Variants in SLC38A3 observed in about 807,000 individuals in gnomAD.
SLC38A3 encodes solute carrier family 38 member 3, also known as sodium-coupled neutral amino acid transporter 3.
Under a neutral mutation model 59.5 loss-of-function variants are expected in SLC38A3, and 17 were observed. The ratio of observed to expected loss-of-function variants is 0.29; its 90% CI spans 0.20 to 0.43. The LOEUF (loss-of-function observed/expected upper bound fraction) is 0.43. Ranked by LOEUF, SLC38A3 falls within the 20% of genes least tolerant of loss-of-function variation. SLC38A3 has a pLI of 1.00. For missense variants in SLC38A3, 454 were observed against 653.9 expected, an observed-to-expected ratio of 0.69 and a Z score of 3.33; for synonymous variants, 238 against 260.3, an observed-to-expected ratio of 0.91 and a Z score of 0.82.
At position 50,217,660 on chromosome 3, in the gene SLC38A3, T is replaced by A; in HGVS notation, c.691-16T>A. On this transcript the variant is annotated splice_polypyrimidine_tract_variant and intron_variant, in intron 9 of 15. Transcript: ENST00000614032. The surrounding 1 kb of genome is among the most constrained non-coding windows in gnomAD (Gnocchi z 4.9). ...AGCCTGGGAGTCTCTGACACCCTCA[T>A]CCCTCCCCACTCCAGGTCATCTACA... The A allele has an allele frequency of 1.2e-6, 2 of 1,613,096 alleles. No individual in the cohort carries two copies. The highest frequency in any genetic ancestry group is 1.7e-6 in the Non-Finnish European group (2 of 1,179,522).
Position 50,218,916 on chromosome 3 carries a change from C to G in SLC38A3, c.1274C>G (p.Ala425Gly). The stretch of plus-strand genomic sequence containing the variant: ...TGTATCAACCTGCTGGTCATCTTTG[C>G]CCCCAACATCCTGGGCATCTTTGGG... ...LTCINLLVIF[A>G]PNILGIFGVI... Residue 425 changes from alanine to glycine, a missense_variant, in exon 14 of 16, where the codon GCC becomes GGC. This residue lies in a region of SLC38A3 where 390 missense variants were observed against 557.9 expected (regional missense o/e 0.70). Transcript: ENST00000614032. This position sits in a 1 kb window ranked among gnomAD's most constrained non-coding sequence, Gnocchi z 5.8. 6.2e-7 allele frequency: 1 copy of G among 1,612,688 alleles called. No homozygotes were observed. The highest frequency in any genetic ancestry group is 8.5e-7 in the Non-Finnish European group (1 of 1,178,816).
At chr3:50,209,580 C>T (rs1159191042) in intron 1 of SLC38A3, among the ~76,000 whole-genome samples, 2 of 150,568 alleles carry the variant, frequency 1.3e-5, no homozygotes, top group African/African-American at 4.9e-5. Flanking sequence ...ACCCAGGAGG[C>T]GGAGGTTGCA....
In SLC38A3 at chr3:50,218,239, C is replaced by A; in HGVS notation, c.936-31C>A. The A allele has an allele frequency of 7.2e-7, 1 of 1,398,150 alleles. No homozygotes were observed. 86.6% of individuals were successfully genotyped at this position (1,398,150 alleles called of 1,614,324 possible). On this transcript the variant is annotated intron_variant, in intron 11 of 15. Transcript: ENST00000614032. This position sits in a 1 kb window ranked among gnomAD's most constrained non-coding sequence, Gnocchi z 5.8. Reference sequence around the variant, plus strand: ...GGTCTCCCAATGTTACCCAGCTTGTCACCAACACCCACCCCCCCACTTCCC... The same window carrying A: ...GGTCTCCCAATGTTACCCAGCTTGTAACCAACACCCACCCCCCCACTTCCC...
chr3:50,205,535 G>A (rs1267057409), intron 1 of SLC38A3, among the ~76,000 whole-genome samples, 187 bp downstream of exon 1: 1 of 152,284 alleles, frequency 6.6e-6, no homozygotes, highest in Non-Finnish European at 1.5e-5. Context: ...GGACCTGCCA[G>A]TCGGGACTCA....
At position 50,215,779 on chromosome 3, in the gene SLC38A3, C is replaced by A; in HGVS notation, c.506C>A (p.Pro169Gln). The A allele has an allele frequency of 1.3e-6, 2 of 1,597,990 alleles. No individual in the cohort carries two copies. The change falls in exon 7 of 16, where the codon CCA becomes CAA. Residue 169 changes from proline to glutamine, a missense_variant. Transcript: ENST00000614032. This position sits in a 1 kb window ranked among gnomAD's most constrained non-coding sequence, Gnocchi z 7.1. ...CTGTACATCATCAAGTCTGAGCTGCCACTTGTCATACAGACCTTCCTGAAC... is the reference window on the plus strand; with the variant it reads ...CTGTACATCATCAAGTCTGAGCTGCAACTTGTCATACAGACCTTCCTGAAC... ...SYLYIIKSEL[P>Q]LVIQTFLNLE...
intron 7 of SLC38A3, among the ~76,000 whole-genome samples, chr3:50,216,196 G>A (rs1699817276): frequency 6.6e-6 from 1 of 152,216 alleles, no homozygotes; most frequent in African/African-American, 2.4e-5. Context: ...AAGCCCAGGT[G>A]TCCCAGTTGC....
At position 50,217,381 on chromosome 3, in the gene SLC38A3, C is replaced by A. The variant is rs1699833112; in HGVS notation, c.632-34C>A. ...TTGGAGGCATACACCATGGGAGGGG[C>A]CCCAGGTCTCAGAGTGCTCCCTCCA... is the stretch of plus-strand genomic sequence containing the variant. On this transcript the variant is annotated intron_variant, in intron 8 of 15. Transcript: ENST00000614032. This position sits in a 1 kb window ranked among gnomAD's most constrained non-coding sequence, Gnocchi z 4.9. 1 of 1,611,414 alleles carries A rather than the reference C, an allele frequency of 6.2e-7. No homozygotes were observed. Among genetic ancestry groups the A allele is most frequent in the Non-Finnish European group, 8.5e-7 (1 of 1,178,522 alleles).
rs1040437893 is a variant in SLC38A3 at position 50,217,512 on chromosome 3, G to A, written c.690+39G>A. ...CATGTTGGCTGAGAAAGCGGGCAGC[G>A]GGTCTCCTGGGGGAGTTCCCTGTCA... On this transcript the variant is annotated intron_variant, in intron 9 of 15. Transcript: ENST00000614032. This position sits in a 1 kb window ranked among gnomAD's most constrained non-coding sequence, Gnocchi z 4.9. 3 of 1,602,618 alleles carry A rather than the reference G, an allele frequency of 1.9e-6. No individual in the cohort carries two copies. The highest frequency in any genetic ancestry group is 1.3e-5 in the African/African-American group (1 of 74,666).
At position 50,218,462 on chromosome 3, in the gene SLC38A3, G is replaced by A. The variant is rs746104081; in HGVS notation, c.1036+92G>A. The stretch of plus-strand genomic sequence containing the variant: ...TGCCCTCCATACCGAGGCGTGTGGT[G>A]CCTGGCTGTGCCTTGCCGCTGTGGA... On this transcript the variant is annotated intron_variant, in intron 12 of 15. Transcript: ENST00000614032. This position sits in a 1 kb window ranked among gnomAD's most constrained non-coding sequence, Gnocchi z 5.8. The A allele has an allele frequency of 2.7e-5, 42 of 1,537,592 alleles. No individual in the cohort carries two copies. Among genetic ancestry groups the A allele is most frequent in the Non-Finnish European group, 3.2e-5 (36 of 1,114,242 alleles).
In SLC38A3 at chr3:50,220,333, G is replaced by A. The variant is rs1369476359; in HGVS notation, c.*156G>A. ...CATGTCCTCTCTGTGGAAGGTTTTT[G>A]TTCAAGAGCCAGGACCAAGGCCCTT... On this transcript the variant is annotated 3_prime_UTR_variant, in exon 16 of 16. Transcript: ENST00000614032. The A allele has an allele frequency of 1.1e-5, 7 of 652,920 alleles. No individual in the cohort carries two copies. The East Asian group carries it at 1.9e-4, about 18-fold the overall frequency. The allele number at this position is 652,920 out of a possible 1,614,324, so 40.4% of individuals were successfully genotyped here. A position where few individuals can be genotyped will look rare whatever the true frequency, so the allele number is the denominator to read the frequency against.
Position 50,220,078 on chromosome 3 carries a change from G to C in SLC38A3, c.1416G>C (p.Leu472=). 1 of 1,605,892 alleles carries C rather than the reference G, an allele frequency of 6.2e-7. No homozygotes were observed. Among genetic ancestry groups the C allele is most frequent in the Non-Finnish European group, 8.5e-7 (1 of 1,175,680 alleles). ...CCTGACTTCTGATTCCACAGGCCCTGTGTTTTGCTATGCTTGGCTTCTTGC... is the reference window on the plus strand; with the variant it reads ...CCTGACTTCTGATTCCACAGGCCCTCTGTTTTGCTATGCTTGGCTTCTTGC... ...PARSTPKILA[L]CFAMLGFLLM... is the part of the protein sequence containing the mutation. The change falls in exon 16 of 16, where the codon CTG becomes CTC. Residue 472 remains leucine (L), a synonymous_variant. Transcript: ENST00000614032.
Position 50,214,824 on chromosome 3 carries a change from A to T in SLC38A3, c.299+56A>T, listed in dbSNP as rs1216357630. 2 of 1,191,012 alleles carry T rather than the reference A, an allele frequency of 1.7e-6. No individual in the cohort carries two copies. The highest frequency in any genetic ancestry group is 3.0e-5 in the African/African-American group (2 of 66,040). The allele number at this position is 1,191,012 out of a possible 1,614,324, so 73.8% of individuals were successfully genotyped here. A position where few individuals can be genotyped will look rare whatever the true frequency, so the allele number is the denominator to read the frequency against. On this transcript the variant is annotated intron_variant, in intron 4 of 15. Transcript: ENST00000614032. The surrounding 1 kb of genome is among the most constrained non-coding windows in gnomAD (Gnocchi z 6.0). ...AGGGGCCCTAAGCAAGCCACCAATC[A>T]TGACCTCCCAGGACCCGCCAGTTCC...
Position 50,217,947 on chromosome 3 carries a change from G to A in SLC38A3, c.886G>A (p.Ala296Thr), listed in dbSNP as rs772451600. Residue 296 changes from alanine to threonine, a missense_variant, in exon 11 of 16, where the codon GCC becomes ACC. Physicochemically the swap from Ala to Thr is moderately conservative, Grantham distance 58. Transcript: ENST00000614032. This position sits in a 1 kb window ranked among gnomAD's most constrained non-coding sequence, Gnocchi z 4.9. ...ATACACCATCCCCATCATGGCCTTC[G>A]CCTTCGTCTGCCACCCCGAGGTGCT... is the stretch of plus-strand genomic sequence containing the variant. ...TAYTIPIMAF[A>T]FVCHPEVLPI... is the part of the protein sequence containing the mutation. 7 of 1,613,888 alleles carry A rather than the reference G, an allele frequency of 4.3e-6. No homozygotes were observed. Among genetic ancestry groups the A allele is most frequent in the East Asian group, 2.2e-5 (1 of 44,896 alleles).
chr3:50,220,295 T>G lies in SLC38A3; in HGVS notation c.*118T>G. 1 of 784,258 alleles carries G rather than the reference T, an allele frequency of 1.3e-6. No homozygotes were observed. The highest frequency in any genetic ancestry group is 2.2e-5 in the Admixed American group (1 of 46,322). The allele number at this position is 784,258 out of a possible 1,614,324, so 48.6% of individuals were successfully genotyped here. On this transcript the variant is annotated 3_prime_UTR_variant, in exon 16 of 16. Coordinates refer to ENST00000614032, the MANE Select transcript of SLC38A3 (RefSeq NM_006841.6). ...GAAAGACGCGATTAACACTGTGGCA[T>G]TCAGCCAGGCCCCATGTCCTCTCTG...
rs1470375313 is a variant in SLC38A3, at chr3:50,215,300, C to T, written c.300-86C>T. On this transcript the variant is annotated intron_variant, in intron 4 of 15. Transcript: ENST00000614032. The surrounding 1 kb of genome is among the most constrained non-coding windows in gnomAD (Gnocchi z 7.1). ...ACCCAGGTCACAGACCCTCCACCCC[C>T]AGGCCTCCCAGAGCCCCTCACCCTC... The T allele has an allele frequency of 1.6e-6, 2 of 1,237,792 alleles. No individual in the cohort carries two copies. The highest frequency in any genetic ancestry group is 2.4e-6 in the Non-Finnish European group (2 of 843,256). 76.7% of individuals were successfully genotyped at this position (1,237,792 alleles called of 1,614,324 possible).
chr3:50,217,796 G>T lies in SLC38A3; in HGVS notation c.811G>T (p.Ala271Ser), dbSNP rs746452118. 4 of 1,614,038 alleles carry T rather than the reference G, an allele frequency of 2.5e-6. No homozygotes were observed. The highest frequency in any genetic ancestry group is 3.4e-6 in the Non-Finnish European group (4 of 1,179,900). ...GGTGCAGCTGCAGGTCGAGCCTGAG[G>T]CTTCAGCCTTCTGCACTCCCAGCTA... ...EKVQLQVEPEASAFCTPSYFT... is the reference protein window; with the variant it reads ...EKVQLQVEPESSAFCTPSYFT... The change falls in exon 10 of 16, where the codon GCT becomes TCT. Residue 271 changes from alanine to serine, a missense_variant. Transcript: ENST00000614032. The surrounding 1 kb of genome is among the most constrained non-coding windows in gnomAD (Gnocchi z 4.9).
In SLC38A3 at chr3:50,217,775, C is replaced by A; in HGVS notation, c.790C>A (p.Gln264Lys). The change falls in exon 10 of 16, where the codon CAG (glutamine) becomes AAG (lysine). Residue 264 changes from glutamine to lysine, a missense_variant. Physicochemically the swap from Gln to Lys is moderately conservative, Grantham distance 53. Transcript: ENST00000614032. This position sits in a 1 kb window ranked among gnomAD's most constrained non-coding sequence, Gnocchi z 4.9. ...SHVEIVKEKV[Q>K]LQVEPEASAF... ...CGTGGAGATCGTGAAGGAGAAGGTG[C>A]AGCTGCAGGTCGAGCCTGAGGCTTC... 1 of 1,613,912 alleles carries A rather than the reference C, an allele frequency of 6.2e-7. No homozygotes were observed. The highest frequency in any genetic ancestry group is 8.5e-7 in the Non-Finnish European group (1 of 1,179,846).
chr3:50,207,679 T>C (rs1414930004), intron 1 of SLC38A3: 1 of 152,162 alleles, frequency 6.6e-6, no homozygotes, highest in Non-Finnish European at 1.5e-5. Flanking sequence ...TCTTGTCTAG[T>C]GGGTGAAGGG....
chr3:50,211,435 C>T (rs1475678424), intron 1 of SLC38A3, among the ~76,000 whole-genome samples: 1 of 152,196 alleles, frequency 6.6e-6, no homozygotes, highest in Admixed American at 6.5e-5. Flanking sequence ...CCTCGTACTG[C>T]ACCTCAGGGC....
Sources: gnomAD v4.1 joint callset for allele counts (sites outside exome capture counted in the v4.1 genomes callset) on GRCh38, gnomAD v4.1.1 for gene constraint, gnomAD v4.1.1 regional missense constraint, Gnocchi (gnomAD v3.1) non-coding constraint, MANE v1.5 for transcripts, NCBI Gene and HGNC (gene_info 2026-07-23, HGNC 2026-07-21) for gene names.